The following FEM1A variants were observed in gnomAD, a reference collection of about 807,000 sequenced individuals.
FEM1A encodes protein fem-1 homolog A.
A neutral mutation model predicts 0.7 loss-of-function variants in FEM1A; 1 was observed. The ratio of observed to expected loss-of-function variants is 1.35; its 90% CI spans 0.48 to 6.40. The LOEUF (loss-of-function observed/expected upper bound fraction) is 6.40. FEM1A is among the 30% of genes most tolerant of loss of function. The pLI is 0.14. For synonymous variants in FEM1A, 391 were observed against 420.6 expected (o/e 0.93, Z 0.86); for missense variants, 721 against 918.7 (o/e 0.78, Z 2.78).
At position 4,797,158 on chromosome 19, in the gene FEM1A, C is replaced by CTTTTTT. The variant is rs3034413; in HGVS notation, c.*3314_*3319dup. Reference sequence around the variant, plus strand: ...ACGGCCCTCTTAAGATGAAGGTCATCTTTTTTTTTTTTTTTTTTTTTTTTT... The same window carrying CTTTTTT: ...ACGGCCCTCTTAAGATGAAGGTCATCTTTTTTTTTTTTTTTTTTTTTTTTTTTTTTT... On this transcript the variant is annotated 3_prime_UTR_variant, in exon 1 of 1. Transcript: ENST00000269856. 5 of 73,306 alleles carry CTTTTTT rather than the reference C, an allele frequency of 6.8e-5. No homozygotes were observed. The highest frequency in any genetic ancestry group is 1.1e-4 in the African/African-American group (2 of 17,734). The allele number at this position is 73,306 out of a possible 1,614,324, so 4.5% of individuals were successfully genotyped here.
In FEM1A at chr19:4,794,055, G is replaced by A. The variant is rs1355568277; in HGVS notation, c.*191G>A. On this transcript the variant is annotated 3_prime_UTR_variant, in exon 1 of 1. Coordinates refer to ENST00000269856, the MANE Select transcript of FEM1A (RefSeq NM_018708.3). ...GAGCCTTTGGTGCTAGAAGCCTGCG[G>A]GGTCATGTGCTAAGAGGACAGTCTT... 1 of 625,600 alleles carries A rather than the reference G, an allele frequency of 1.6e-6. No homozygotes were observed. Among genetic ancestry groups the A allele is most frequent in the African/African-American group, 1.9e-5 (1 of 53,964 alleles). The allele number at this position is 625,600 out of a possible 1,614,324, so 38.8% of individuals were successfully genotyped here.
In FEM1A at chr19:4,793,255, T is replaced by C; in HGVS notation, c.1401T>C (p.Val467=). The C allele has an allele frequency of 6.2e-7, 1 of 1,613,346 alleles. No homozygotes were observed. The highest frequency in any genetic ancestry group is 8.5e-7 in the Non-Finnish European group (1 of 1,179,984). Residue 467 remains valine, a synonymous_variant, in exon 1 of 1, where the codon GTT becomes GTC. Coordinates refer to ENST00000269856, the MANE Select transcript of FEM1A (RefSeq NM_018708.3). This position sits in a 1 kb window ranked among gnomAD's most constrained non-coding sequence, Gnocchi z 5.1. ...TCGGCTTTGCAGACCTCATGGGGGT[T>C]CTCACCAAAGGGGTCCGGGAAGTGG... ...TQIGFADLMG[V]LTKGVREVER...
At position 4,799,045 on chromosome 19, in the gene FEM1A, C is replaced by T. The variant is rs2093564985; in HGVS notation, c.*5181C>T. 6.8e-6 allele frequency: 1 copy of T among 147,802 alleles called. No homozygotes were observed. 9.2% of individuals were successfully genotyped at this position (147,802 alleles called of 1,614,324 possible). On this transcript the variant is annotated 3_prime_UTR_variant, in exon 1 of 1. Coordinates refer to ENST00000269856, the MANE Select transcript of FEM1A (RefSeq NM_018708.3). ...GTTCCTAAAGACCTGGTTGCTAGCT[C>T]CTCTGAGACTGGGGTGGGGTGGGTG...
In FEM1A at chr19:4,794,906, G is replaced by A. The variant is rs1179179774; in HGVS notation, c.*1042G>A. On this transcript the variant is annotated 3_prime_UTR_variant, in exon 1 of 1. Coordinates refer to ENST00000269856, the MANE Select transcript of FEM1A (RefSeq NM_018708.3). ...TTGGGTCTGCATTGCCATAGTGCCCGAGTTAAAACTGCAGGCCACTCTGCC... is the reference window on the plus strand; with the variant it reads ...TTGGGTCTGCATTGCCATAGTGCCCAAGTTAAAACTGCAGGCCACTCTGCC... 1 of 157,740 alleles carries A rather than the reference G, an allele frequency of 6.3e-6. No homozygotes were observed. The highest frequency in any genetic ancestry group is 1.5e-5 in the Non-Finnish European group (1 of 65,966). 9.8% of individuals were successfully genotyped at this position (157,740 alleles called of 1,614,324 possible).
Position 4,798,700 on chromosome 19 carries a change from C to A in FEM1A, c.*4836C>A, listed in dbSNP as rs1180292822. 6.6e-6 allele frequency: 1 copy of A among 152,052 alleles called. No individual in the cohort carries two copies. The highest frequency in any genetic ancestry group is 1.5e-5 in the Non-Finnish European group (1 of 68,038). The allele number at this position is 152,052 out of a possible 1,614,324, so 9.4% of individuals were successfully genotyped here. A position where few individuals can be genotyped will look rare whatever the true frequency, so the allele number is the denominator to read the frequency against. Reference sequence around the variant, plus strand: ...GAACCCAGGACCGTCAGAGTTCATACCTTGTGCTGATTCTCCATCCGGGAC... The same window carrying A: ...GAACCCAGGACCGTCAGAGTTCATAACTTGTGCTGATTCTCCATCCGGGAC... On this transcript the variant is annotated 3_prime_UTR_variant, in exon 1 of 1. Coordinates refer to ENST00000269856, the MANE Select transcript of FEM1A (RefSeq NM_018708.3).
At position 4,794,062 on chromosome 19, in the gene FEM1A, G is replaced by A. The variant is rs2093558184; in HGVS notation, c.*198G>A. The stretch of plus-strand genomic sequence containing the variant: ...TGGTGCTAGAAGCCTGCGGGGTCAT[G>A]TGCTAAGAGGACAGTCTTTCTCCGG... On this transcript the variant is annotated 3_prime_UTR_variant, in exon 1 of 1. Coordinates refer to ENST00000269856, the MANE Select transcript of FEM1A (RefSeq NM_018708.3). 4.4e-5 allele frequency: 27 copies of A among 607,904 alleles called. 1 individual carries two copies. The South Asian group carries it at 5.5e-4, about 12-fold the overall frequency. The allele number at this position is 607,904 out of a possible 1,614,324, so 37.7% of individuals were successfully genotyped here.
In FEM1A at chr19:4,796,560, G is replaced by T. The variant is rs2093561357; in HGVS notation, c.*2696G>T. Reference sequence around the variant, plus strand: ...AAACTTGTTCCATTCTAAAATTCTGGTTTTCTCCATATCAGAACAGTCAAA... The same window carrying T: ...AAACTTGTTCCATTCTAAAATTCTGTTTTTCTCCATATCAGAACAGTCAAA... On this transcript the variant is annotated 3_prime_UTR_variant, in exon 1 of 1. Transcript: ENST00000269856. The T allele has an allele frequency of 6.6e-6, 1 of 151,972 alleles. No homozygotes were observed. The highest frequency in any genetic ancestry group is 2.4e-5 in the African/African-American group (1 of 41,330). 9.4% of individuals were successfully genotyped at this position (151,972 alleles called of 1,614,324 possible). A position where few individuals can be genotyped will look rare whatever the true frequency, so the allele number is the denominator to read the frequency against.
At position 4,792,761 on chromosome 19, in the gene FEM1A, T is replaced by C. The variant is rs2093556096; in HGVS notation, c.907T>C (p.Leu303=). ...SREAAVEALE[L]LGATYVDKKR... ...GGAAGCTGCCGTGGAAGCCTTGGAA[T>C]TGCTGGGAGCTACGTATGTGGATAA... The change falls in exon 1 of 1, where the codon TTG becomes CTG. Residue 303 remains leucine (L), a synonymous_variant. Coordinates refer to ENST00000269856, the MANE Select transcript of FEM1A (RefSeq NM_018708.3). This position sits in a 1 kb window ranked among gnomAD's most constrained non-coding sequence, Gnocchi z 6.7. The C allele has an allele frequency of 6.2e-7, 1 of 1,612,106 alleles. No individual in the cohort carries two copies. Among genetic ancestry groups the C allele is most frequent in the Non-Finnish European group, 8.5e-7 (1 of 1,179,898 alleles).
chr19:4,792,491 G>A lies in FEM1A; in HGVS notation c.637G>A (p.Gly213Ser). 1.9e-6 allele frequency: 3 copies of A among 1,597,828 alleles called. No homozygotes were observed. The highest frequency in any genetic ancestry group is 2.5e-6 in the Non-Finnish European group (3 of 1,179,684). Residue 213 changes from glycine to serine, a missense_variant, in exon 1 of 1, where the codon GGC becomes AGC. Transcript: ENST00000269856. The surrounding 1 kb of genome is among the most constrained non-coding windows in gnomAD (Gnocchi z 6.7). ...GTGCAAGGCCCGCATGGAACGTGAC[G>A]GCTACGGCATGACCCCGCTGCTCGC... Reference protein sequence around the residue: ...LGCKARMERDGYGMTPLLAAS... With the variant: ...LGCKARMERDSYGMTPLLAAS...
Position 4,794,134 on chromosome 19 carries a change from C to T in FEM1A, c.*270C>T, listed in dbSNP as rs2093558268. 2 of 454,292 alleles carry T rather than the reference C, an allele frequency of 4.4e-6. No homozygotes were observed. Among genetic ancestry groups the T allele is most frequent in the Non-Finnish European group, 8.3e-6 (2 of 241,766 alleles). The allele number at this position is 454,292 out of a possible 1,614,324, so 28.1% of individuals were successfully genotyped here. A position where few individuals can be genotyped will look rare whatever the true frequency, so the allele number is the denominator to read the frequency against. On this transcript the variant is annotated 3_prime_UTR_variant, in exon 1 of 1. Coordinates refer to ENST00000269856, the MANE Select transcript of FEM1A (RefSeq NM_018708.3). Reference sequence around the variant, plus strand: ...GTTAGGAAAAGACACAAGACCTTCCCCACATCCTGTCTGCCTGGGTTAGGG... The same window carrying T: ...GTTAGGAAAAGACACAAGACCTTCCTCACATCCTGTCTGCCTGGGTTAGGG...
At position 4,796,584 on chromosome 19, in the gene FEM1A, A is replaced by C. The variant is rs1367507950; in HGVS notation, c.*2720A>C. On this transcript the variant is annotated 3_prime_UTR_variant, in exon 1 of 1. Transcript: ENST00000269856. ...GGTTTTCTCCATATCAGAACAGTCAAACCCCCACCAGAAAGCACCACCCCG... is the reference window on the plus strand; with the variant it reads ...GGTTTTCTCCATATCAGAACAGTCACACCCCCACCAGAAAGCACCACCCCG... 1.3e-5 allele frequency: 2 copies of C among 152,138 alleles called. No individual in the cohort carries two copies. Among genetic ancestry groups the C allele is most frequent in the East Asian group, 1.9e-4 (1 of 5,180 alleles). 9.4% of individuals were successfully genotyped at this position (152,138 alleles called of 1,614,324 possible).
At position 4,793,072 on chromosome 19, in the gene FEM1A, C is replaced by G. The variant is rs377569506; in HGVS notation, c.1218C>G (p.Phe406Leu). The change falls in exon 1 of 1, where the codon TTC (phenylalanine) becomes TTG (leucine). Residue 406 changes from phenylalanine to leucine, a missense_variant. Phe to Leu is a conservative substitution (Grantham distance 22). Coordinates refer to ENST00000269856, the MANE Select transcript of FEM1A (RefSeq NM_018708.3). This position sits in a 1 kb window ranked among gnomAD's most constrained non-coding sequence, Gnocchi z 5.1. ...CCGTGTACGCCGACTCGGGCAATTT[C>G]GAGCGCTGCATCCGCTTGTGGAAGT... Reference protein sequence around the residue: ...RGAVYADSGNFERCIRLWKYA... With the variant: ...RGAVYADSGNLERCIRLWKYA... 23 of 1,613,610 alleles carry G rather than the reference C, an allele frequency of 1.4e-5. No individual in the cohort carries two copies. The highest frequency in any genetic ancestry group is 8.3e-5 in the Admixed American group (5 of 60,016).
rs2093561453 is a variant in FEM1A at position 4,796,671 on chromosome 19, C to G, written c.*2807C>G. 6.6e-6 allele frequency: 1 copy of G among 152,262 alleles called. No individual in the cohort carries two copies. Among genetic ancestry groups the G allele is most frequent in the Non-Finnish European group, 1.5e-5 (1 of 68,078 alleles). 9.4% of individuals were successfully genotyped at this position (152,262 alleles called of 1,614,324 possible). A position where few individuals can be genotyped will look rare whatever the true frequency, so the allele number is the denominator to read the frequency against. On this transcript the variant is annotated 3_prime_UTR_variant, in exon 1 of 1. Transcript: ENST00000269856. ...ATGTGCCAGGCAGGTTTCAGGCCCC[C>G]TTGGGGATAAGGATTGAGCTGTCGA...
chr19:4,797,203 T>C lies in FEM1A; in HGVS notation c.*3339T>C, dbSNP rs907549881. On this transcript the variant is annotated 3_prime_UTR_variant, in exon 1 of 1. Coordinates refer to ENST00000269856, the MANE Select transcript of FEM1A (RefSeq NM_018708.3). ...TTTTTTGAGACGGAGTCTCTGTCGC[T>C]CAGGCTGGAGTGCAGTGGTGTGATC... 4.0e-5 allele frequency: 5 copies of C among 125,674 alleles called. No homozygotes were observed. Among genetic ancestry groups the C allele is most frequent in the Admixed American group, 2.0e-4 (2 of 10,026 alleles). The allele number at this position is 125,674 out of a possible 1,614,324, so 7.8% of individuals were successfully genotyped here.
Position 4,799,912 on chromosome 19 carries a change from A to AT in FEM1A, c.*6048_*6049insT, listed in dbSNP as rs1437334134. ...ATAGCAAGACTCTGTCTCAAAAAAA[A>AT]AAAAAAAAAAAAAAAAAAAAATGGG... On this transcript the variant is annotated 3_prime_UTR_variant, in exon 1 of 1. Transcript: ENST00000269856. 1.7e-5 allele frequency: 2 copies of AT among 117,948 alleles called. No homozygotes were observed. The highest frequency in any genetic ancestry group is 9.7e-5 in the Admixed American group (1 of 10,338). The allele number at this position is 117,948 out of a possible 1,614,324, so 7.3% of individuals were successfully genotyped here.
Position 4,799,221 on chromosome 19 carries a change from T to C in FEM1A, c.*5357T>C, listed in dbSNP as rs1220228275. The C allele has an allele frequency of 6.6e-6, 1 of 152,010 alleles. No individual in the cohort carries two copies. Among genetic ancestry groups the C allele is most frequent in the Non-Finnish European group, 1.5e-5 (1 of 68,026 alleles). The allele number at this position is 152,010 out of a possible 1,614,324, so 9.4% of individuals were successfully genotyped here. ...CGAGGTCAGGAGTTCGAGACCAGCC[T>C]GGTCAACATGGTGAAACCCTATCTA... On this transcript the variant is annotated 3_prime_UTR_variant, in exon 1 of 1. Transcript: ENST00000269856.
At position 4,793,216 on chromosome 19, in the gene FEM1A, C is replaced by T; in HGVS notation, c.1362C>T (p.Ser454=). 5.6e-6 allele frequency: 9 copies of T among 1,613,476 alleles called. No homozygotes were observed. The highest frequency in any genetic ancestry group is 5.9e-6 in the Non-Finnish European group (7 of 1,180,038). ...TTCAGGACCGGGCCGCCAAAGGCAG[C>T]CTGGGCACCCAGATCGGCTTTGCAG... ...YVLQDRAAKG[S]LGTQIGFADL... The change falls in exon 1 of 1, where the codon AGC becomes AGT. Residue 454 remains serine, a synonymous_variant. Coordinates refer to ENST00000269856, the MANE Select transcript of FEM1A (RefSeq NM_018708.3). This position sits in a 1 kb window ranked among gnomAD's most constrained non-coding sequence, Gnocchi z 5.1.
At position 4,795,008 on chromosome 19, in the gene FEM1A, A is replaced by T; in HGVS notation, c.*1144A>T. ...GTTCTTTCAGCTGCTCCAAGGATTG[A>T]GACCCAAGTCATCATGAAAAAGGCC... On this transcript the variant is annotated 3_prime_UTR_variant, in exon 1 of 1. Transcript: ENST00000269856. 6.0e-6 allele frequency: 1 copy of T among 167,158 alleles called. No individual in the cohort carries two copies. The allele number at this position is 167,158 out of a possible 1,614,324, so 10.4% of individuals were successfully genotyped here. A position where few individuals can be genotyped will look rare whatever the true frequency, so the allele number is the denominator to read the frequency against.
In FEM1A at chr19:4,799,873, C is replaced by G. The variant is rs1381627584; in HGVS notation, c.*6009C>G. 2 of 113,168 alleles carry G rather than the reference C, an allele frequency of 1.8e-5. No homozygotes were observed. Among genetic ancestry groups the G allele is most frequent in the African/African-American group, 6.5e-5 (2 of 30,938 alleles). 7.0% of individuals were successfully genotyped at this position (113,168 alleles called of 1,614,324 possible). On this transcript the variant is annotated 3_prime_UTR_variant, in exon 1 of 1. Coordinates refer to ENST00000269856, the MANE Select transcript of FEM1A (RefSeq NM_018708.3). ...TGAGCCGAGATCGCGCCACTGCACTCCAGCCTGGGTGACATAGCAAGACTC... is the reference window on the plus strand; with the variant it reads ...TGAGCCGAGATCGCGCCACTGCACTGCAGCCTGGGTGACATAGCAAGACTC...
Sources: allele counts gnomAD v4.1 joint callset, GRCh38; gene constraint gnomAD v4.1.1; non-coding constraint Gnocchi (gnomAD v3.1); transcripts MANE v1.5; gene names NCBI Gene and HGNC (gene_info 2026-07-23, HGNC 2026-07-21).